Variants in NTN4 observed in about 807,000 individuals in gnomAD.
The protein encoded by NTN4 is netrin-4.
Under a neutral mutation model 73.6 loss-of-function variants are expected in NTN4, and 32 were observed. The observed-to-expected ratio is 0.44, with a 90% CI of 0.33 to 0.58. NTN4 has a LOEUF of 0.58. NTN4 is among the 20% of genes least tolerant of loss of function. The pLI is 0.04. For synonymous variants in NTN4, 258 were observed against 287.5 expected, an observed-to-expected ratio of 0.90 and a Z score of 1.04; for missense variants, 654 against 798.3, an observed-to-expected ratio of 0.82 and a Z score of 2.18.
chr12:95,701,259 A>G (rs2121054618), intron 5 of NTN4, among the ~76,000 whole-genome samples: 1 of 152,284 alleles, frequency 6.6e-6, no homozygotes, highest in African/African-American at 2.4e-5. Context: ...TCCTCAAAGT[A>G]CCTCAGTACA....
In NTN4 at chr12:95,683,612, G is replaced by T; in HGVS notation, c.1280C>A (p.Ala427Glu). Residue 427 changes from alanine to glutamate, a missense_variant, in exon 6 of 10, where the codon GCA (alanine) becomes GAA (glutamate). By Grantham distance (107) the Ala-to-Glu change is moderately radical. Transcript: ENST00000343702. ...CATGCACCTGTCACAACGTCGCCCT[G>T]CCACCCCAGGCTTGCAAGGGCAGTC... Reference protein sequence around the residue: ...NGDCPCKPGVAGRRCDRCMVG... With the variant: ...NGDCPCKPGVEGRRCDRCMVG... 6.2e-7 allele frequency: 1 copy of T among 1,614,142 alleles called. No individual in the cohort carries two copies. Among genetic ancestry groups the T allele is most frequent in the South Asian group, 1.1e-5 (1 of 91,086 alleles).
chr12:95,668,751 A>G (rs1288866867), intron 8 of NTN4, among the ~76,000 whole-genome samples: 1 of 152,174 alleles, frequency 6.6e-6, no homozygotes, highest in African/African-American at 2.4e-5. Context: ...GCACTTTGGG[A>G]GGCCGAGGCA....
At chr12:95,739,252 G>A (rs1354768266) in intron 2 of NTN4, among the ~76,000 whole-genome samples, 2 of 152,044 alleles carry the variant, frequency 1.3e-5, no homozygotes, top group East Asian at 3.8e-4. Context: ...AAATTCATTC[G>A]CATACTGAAT....
intron 5 of NTN4, among the ~76,000 whole-genome samples, chr12:95,697,629 CTT>C (rs78324339): frequency 3.1e-5 from 4 of 129,486 alleles, no homozygotes; most frequent in African/African-American, 8.4e-5. Flanking sequence ...AAGGCTTTTA[CTT>C]TTTTTTTTTT....
intron 3 of NTN4, among the ~76,000 whole-genome samples, chr12:95,720,099 T>C (rs1297840478): frequency 2.6e-5 from 4 of 152,238 alleles, no homozygotes; most frequent in Non-Finnish European, 5.9e-5. Flanking sequence ...TCTGTATAAA[T>C]TCATTCCTTT....
intron 2 of NTN4, among the ~76,000 whole-genome samples, chr12:95,748,832 T>G (rs1223842872): frequency 6.6e-6 from 1 of 152,192 alleles, no homozygotes; most frequent in African/African-American, 2.4e-5. Context: ...TGGAATAGGA[T>G]CTATAGTGAG....
chr12:95,713,067 A>C (rs2078576790), intron 4 of NTN4, 145 bp downstream of exon 4: 1 of 858,244 alleles, frequency 1.2e-6, no homozygotes, highest in African/African-American at 1.7e-5. Flanking sequence ...CTGAAGCCTC[A>C]GTGGGCAGTG....
chr12:95,755,834 C>T (rs2078944127), intron 2 of NTN4, among the ~76,000 whole-genome samples: 1 of 152,148 alleles, frequency 6.6e-6, no homozygotes, highest in African/African-American at 2.4e-5. Flanking sequence ...AATGACAGAA[C>T]TGTAACTGAG....
At position 95,789,326 on chromosome 12, in the gene NTN4, C is replaced by T. The variant is rs1050496253; in HGVS notation, c.55+929G>A. Reference sequence around the variant, plus strand: ...TGTAGCCACCAGCGCATCCCTCTAGCCCAGGCGCCCCTTTCTGAAGCAGTC... The same window carrying T: ...TGTAGCCACCAGCGCATCCCTCTAGTCCAGGCGCCCCTTTCTGAAGCAGTC... On this transcript the variant is annotated intron_variant, in intron 1 of 9. Coordinates refer to ENST00000343702, the MANE Select transcript of NTN4 (RefSeq NM_021229.4). The surrounding 1 kb of genome is among the most constrained non-coding windows in gnomAD (Gnocchi z 4.0). Among the ~76,000 whole-genome samples the T allele has an allele frequency of 6.6e-6, 1 of 152,184 alleles. No homozygotes were observed. The highest frequency in any genetic ancestry group is 1.5e-5 in the Non-Finnish European group (1 of 68,038).
intron 2 of NTN4, among the ~76,000 whole-genome samples, chr12:95,768,611 G>T (rs1228630189): frequency 3.3e-5 from 5 of 152,112 alleles, no homozygotes; most frequent in African/African-American, 7.2e-5. Context: ...CAAGAATGTG[G>T]ACTTCATGAT....
At chr12:95,778,533 C>T (rs955589797) in intron 2 of NTN4, among the ~76,000 whole-genome samples, 1 of 152,300 alleles carries the variant, frequency 6.6e-6, no homozygotes, top group African/African-American at 2.4e-5. Context: ...ACTATAAACA[C>T]CTCTACGGAA....
intron 8 of NTN4, among the ~76,000 whole-genome samples, 178 bp downstream of exon 8, chr12:95,669,900 C>T (rs2078214263): frequency 6.6e-6 from 1 of 152,220 alleles, no homozygotes; most frequent in South Asian, 2.1e-4. Context: ...CCATCACCAA[C>T]TACATCAGGA....
At position 95,681,864 on chromosome 12, in the gene NTN4, A is replaced by AT. The variant is rs551587892; in HGVS notation, c.1510+842dup. Among the ~76,000 whole-genome samples the AT allele has an allele frequency of 1.1e-3, 167 of 152,116 alleles. 1 individual carries two copies. Among genetic ancestry groups the AT allele is most frequent in the Middle Eastern group, 0.01 (3 of 294 alleles). ...ATATTCAGTTAATGTCATTAATTTG[A>AT]TTTTTTTGGCTTCATTATTTGGCTT... On this transcript the variant is annotated intron_variant, in intron 7 of 9. Transcript: ENST00000343702.
intron 3 of NTN4, among the ~76,000 whole-genome samples, chr12:95,734,657 A>G (rs950853511): frequency 1.3e-5 from 2 of 152,232 alleles, no homozygotes; most frequent in African/African-American, 4.8e-5. Context: ...CAAATGTGGG[A>G]CAATTAATCT....
intron 2 of NTN4, among the ~76,000 whole-genome samples, chr12:95,750,944 G>C (rs1311172599): frequency 2.0e-5 from 3 of 152,034 alleles, no homozygotes; most frequent in African/African-American, 7.2e-5. Context: ...GGAGCTAAAG[G>C]CATAGTCAAG....
intron 2 of NTN4, among the ~76,000 whole-genome samples, chr12:95,744,746 T>C (rs1179617840): frequency 2.6e-5 from 4 of 152,178 alleles, no homozygotes; most frequent in Non-Finnish European, 4.4e-5. Context: ...ATGATCTTCA[T>C]TCCTTTTTGT....
chr12:95,785,248 C>T (rs1276278183), intron 2 of NTN4, among the ~76,000 whole-genome samples: 2 of 152,190 alleles, frequency 1.3e-5, no homozygotes, highest in African/African-American at 2.4e-5. Flanking sequence ...ATACACAAGG[C>T]CCAGTAGCAC....
chr12:95,688,444 G>C (rs2078378353), intron 5 of NTN4, among the ~76,000 whole-genome samples: 1 of 152,100 alleles, frequency 6.6e-6, no homozygotes, highest in Non-Finnish European at 1.5e-5. Flanking sequence ...AGTTGGGGCA[G>C]ATAGATCCAT....
intron 9 of NTN4, among the ~76,000 whole-genome samples, chr12:95,662,725 T>G (rs1014243009): frequency 6.6e-6 from 1 of 152,300 alleles, no homozygotes; most frequent in East Asian, 1.9e-4. Context: ...AATATTTAAT[T>G]AACAGACTAG....
Sources: gnomAD v4.1 joint callset for allele counts (sites outside exome capture counted in the v4.1 genomes callset) on GRCh38, gnomAD v4.1.1 for gene constraint, Gnocchi (gnomAD v3.1) non-coding constraint, MANE v1.5 for transcripts, NCBI Gene and HGNC (gene_info 2026-07-23, HGNC 2026-07-21) for gene names.